The following CLCN1 variants were observed in gnomAD, a reference collection of about 807,000 sequenced individuals.
CLCN1 encodes chloride channel protein 1.
CLCN1 carries 100 observed loss-of-function variants against 114.5 expected under a neutral mutation model. The ratio of observed to expected loss-of-function variants is 0.87; its 90% CI spans 0.74 to 1.03. The LOEUF is 1.03. CLCN1 is among the 50% of genes least tolerant of loss of function. The probability of loss-of-function intolerance (pLI) is 0.00; values close to 1 mark genes in which losing one functional copy is unlikely to be tolerated. For missense variants in CLCN1, 1,188 were observed against 1,250.0 expected (o/e 0.95, Z 0.75); for synonymous variants, 485 against 487.1 (o/e 1.00, Z 0.06).
Position 143,346,180 on chromosome 7 carries a change from C to T in CLCN1, c.2213C>T (p.Pro738Leu). The T allele has an allele frequency of 1.9e-6, 3 of 1,613,692 alleles. No homozygotes were observed. The highest frequency in any genetic ancestry group is 2.5e-6 in the Non-Finnish European group (3 of 1,179,666). ...GCTCTCCACCCCTCTACTACTGCCC[C>T]TCTGTCCCCAGAAGAGCCCAATGGG... The part of the protein sequence containing the change: ...SLALHPSTTA[P>L]LSPEEPNGPL... The change falls in exon 18 of 23, where the codon CCT becomes CTT. Residue 738 changes from proline to leucine, a missense_variant. Coordinates refer to ENST00000343257, the MANE Select transcript of CLCN1 (RefSeq NM_000083.3).
chr7:143,340,016 A>C (rs927559640), intron 14 of CLCN1, among the ~76,000 whole-genome samples: 1 of 152,184 alleles, frequency 6.6e-6, no homozygotes, highest in Non-Finnish European at 1.5e-5. Context: ...GCACAGGACT[A>C]AGAGCTAAGA....
Position 143,321,562 on chromosome 7 carries a change from C to T in CLCN1, c.562+69C>T, listed in dbSNP as rs1802435479. 2 of 1,611,494 alleles carry T rather than the reference C, an allele frequency of 1.2e-6. No individual in the cohort carries two copies. Among genetic ancestry groups the T allele is most frequent in the South Asian group, 1.1e-5 (1 of 91,026 alleles). On this transcript the variant is annotated intron_variant, in intron 4 of 22. Transcript: ENST00000343257. The surrounding 1 kb of genome is among the most constrained non-coding windows in gnomAD (Gnocchi z 4.2). ...GAGGGGCCCTGTCTGTCTCCCCCAT[C>T]ATCCAGCCCCACCCACAGCCCTGTG... is the stretch of plus-strand genomic sequence containing the variant.
At chr7:143,327,257 A>AAGAAAG (rs67498292) in intron 7 of CLCN1, among the ~76,000 whole-genome samples, 1 of 149,710 alleles carries the variant, frequency 6.7e-6, no homozygotes, top group Non-Finnish European at 1.5e-5. Flanking sequence ...TAAAAAAAAA[A>AAGAAAG]AAAAAGAAAA....
In CLCN1 at chr7:143,319,932, AGAATAACTTGG is replaced by A. The variant is rs1455598145; in HGVS notation, c.301+59_301+69del. On this transcript the variant is annotated intron_variant, in intron 2 of 22. Coordinates refer to ENST00000343257, the MANE Select transcript of CLCN1 (RefSeq NM_000083.3). ...AGTAGAAACAGGTACAGGGATTAGG[AGAATAACTTGG>A]GCATCCCATTGCACGTACGTACTCC... 3 of 1,596,124 alleles carry A rather than the reference AGAATAACTTGG, an allele frequency of 1.9e-6. No individual in the cohort carries two copies. In the East Asian group the frequency reaches 6.7e-5, roughly 36 times the overall value.
Position 143,319,875 on chromosome 7 carries a change from G to GGTGAT in CLCN1, c.301+2_301+6dup, listed in dbSNP as rs1460998028. On this transcript the variant is annotated frameshift_variant and splice_region_variant. Transcript: ENST00000343257. LOFTEE classifies it high-confidence loss of function. ...TGAGGATCACTATTCTAAATGTCAA[G>GGTGAT]GTGATGGGGACTGAGGAATAAAGAA... 1 of 1,613,688 alleles carries GGTGAT rather than the reference G, an allele frequency of 6.2e-7. No individual in the cohort carries two copies. Among genetic ancestry groups the GGTGAT allele is most frequent in the Non-Finnish European group, 8.5e-7 (1 of 1,179,760 alleles).
chr7:143,347,536 A>G (rs912565131), intron 20 of CLCN1, among the ~76,000 whole-genome samples: 10 of 149,566 alleles, frequency 6.7e-5, no homozygotes, highest in African/African-American at 2.0e-4. Context: ...CACGAAAATC[A>G]CTTGAACCCG....
At chr7:143,319,982 A>G in intron 2 of CLCN1, 107 bp downstream of exon 2, 1 of 1,193,694 alleles carries the variant, frequency 8.4e-7, no homozygotes, top group Non-Finnish European at 1.2e-6. Flanking sequence ...CCCTGCTACA[A>G]AAACTCTCCT....
At chr7:143,341,138 A>G (rs1252899490) in intron 14 of CLCN1, among the ~76,000 whole-genome samples, 1 of 152,156 alleles carries the variant, frequency 6.6e-6, no homozygotes, top group African/African-American at 2.4e-5. Flanking sequence ...AGGATCTGAC[A>G]CAGGTCTCAT....
At position 143,350,526 on chromosome 7, in the gene CLCN1, T is replaced by G. The variant is rs1340140007; in HGVS notation, c.2509-42T>G. The G allele has an allele frequency of 6.2e-7, 1 of 1,610,384 alleles. No homozygotes were observed. The highest frequency in any genetic ancestry group is 8.5e-7 in the Non-Finnish European group (1 of 1,176,682). ...GGCTGTGGGGAAGGCAGGAGAGCTG[T>G]GGGGCAAGGAACATGCACTGACCTG... On this transcript the variant is annotated intron_variant, in intron 21 of 22. Coordinates refer to ENST00000343257, the MANE Select transcript of CLCN1 (RefSeq NM_000083.3). This position sits in a 1 kb window ranked among gnomAD's most constrained non-coding sequence, Gnocchi z 5.1.
intron 1 of CLCN1, among the ~76,000 whole-genome samples, chr7:143,317,244 CTTTTTTTTT>C (rs1207676166): frequency 8.8e-6 from 1 of 113,766 alleles, no homozygotes; most frequent in Non-Finnish European, 1.8e-5. Context: ...TTGGCCAGAA[CTTTTTTTTT>C]TTTTTTTTTT....
At chr7:143,332,004 T>C (rs1327855996) in intron 10 of CLCN1, among the ~76,000 whole-genome samples, 1 of 152,138 alleles carries the variant, frequency 6.6e-6, no homozygotes, top group Admixed American at 6.5e-5. Flanking sequence ...AATTTTTGTA[T>C]TTTTAGTAGA....
At chr7:143,329,322 G>A (rs1802661462) in intron 7 of CLCN1, among the ~76,000 whole-genome samples, 1 of 152,202 alleles carries the variant, frequency 6.6e-6, no homozygotes, top group Non-Finnish European at 1.5e-5. Context: ...ATCTGGATCT[G>A]AAAGTGGTAG....
In CLCN1 at chr7:143,346,200, A is replaced by C; in HGVS notation, c.2233A>C (p.Asn745His). Residue 745 changes from asparagine to histidine, a missense_variant, in exon 18 of 23, where the codon AAT becomes CAT. Transcript: ENST00000343257. ...TTAPLSPEEP[N>H]GPLPGHKQQP... ...TGCCCCTCTGTCCCCAGAAGAGCCC[A>C]ATGGGCCTCTGCCTGGCCACAAACA... 1 of 1,613,884 alleles carries C rather than the reference A, an allele frequency of 6.2e-7. No individual in the cohort carries two copies. The highest frequency in any genetic ancestry group is 2.2e-5 in the East Asian group (1 of 44,840).
chr7:143,351,485 T>G (rs1465439244), intron 22 of CLCN1, 109 bp from the exon 23 acceptor site: 1 of 1,225,294 alleles, frequency 8.2e-7, no homozygotes, highest in East Asian at 2.5e-5. Flanking sequence ...ATATCTTTCC[T>G]GTTCTTTTTT....
intron 22 of CLCN1, 90 bp from the exon 23 acceptor site, chr7:143,351,504 T>A: frequency 7.1e-7 from 1 of 1,411,582 alleles, no homozygotes; most frequent in Non-Finnish European, 9.7e-7. Context: ...TTCCTTTCAT[T>A]GTACCTGTTC....
chr7:143,334,705 G>A (rs1802824371), intron 12 of CLCN1, among the ~76,000 whole-genome samples: 1 of 152,202 alleles, frequency 6.6e-6, no homozygotes, highest in Non-Finnish European at 1.5e-5. Flanking sequence ...TTCCCAGGGT[G>A]TCTAGAAACT....
intron 8 of CLCN1, 48 bp from the exon 9 acceptor site, chr7:143,331,184 G>T: frequency 7.4e-7 from 1 of 1,345,606 alleles, no homozygotes; most frequent in South Asian, 1.2e-5. Flanking sequence ...TTTCCCTGTT[G>T]GGTTTCTACG....
At chr7:143,328,990 T>C (rs4725614) in intron 7 of CLCN1, among the ~76,000 whole-genome samples, 125,219 of 144,482 alleles carry the variant, frequency 0.87, 54,617 homozygotes, top group Admixed American at 0.93. Flanking sequence ...TTTTTCAAGA[T>C]GGAGTCTTGC....
At chr7:143,331,516 C>G (rs1241963412) in intron 9 of CLCN1, 35 bp from the exon 10 acceptor site, 1 of 1,458,324 alleles carries the variant, frequency 6.9e-7, no homozygotes, top group South Asian at 1.1e-5. Context: ...GATTTCATGT[C>G]TGTAAGATTC....
Sources: gnomAD v4.1 joint callset for allele counts (sites outside exome capture counted in the v4.1 genomes callset) on GRCh38, gnomAD v4.1.1 for gene constraint, Gnocchi (gnomAD v3.1) non-coding constraint, MANE v1.5 for transcripts, NCBI Gene and HGNC (gene_info 2026-07-23, HGNC 2026-07-21) for gene names.